Variants in EFL1 observed in about 807,000 individuals in gnomAD.
EFL1 encodes elongation factor-like GTPase 1.
A neutral mutation model predicts 126.7 loss-of-function variants in EFL1; 76 were observed. The observed-to-expected ratio is 0.60, with a 90% CI of 0.50 to 0.73. EFL1 has a LOEUF of 0.73. EFL1 is among the 30% of genes least tolerant of loss of function. EFL1 has a pLI of 0.00. For synonymous variants in EFL1, 410 were observed against 448.4 expected (o/e 0.91, Z 1.08); for missense variants, 1,128 against 1,343.2 (o/e 0.84, Z 2.50).
At chr15:82,244,746 G>T (rs1366350627) in intron 4 of EFL1, among the ~76,000 whole-genome samples, 1 of 152,104 alleles carries the variant, frequency 6.6e-6, no homozygotes, top group Non-Finnish European at 1.5e-5. Flanking sequence ...ATGGATAATT[G>T]TCTCACAGAA....
At chr15:82,225,295 T>G (rs749192476) in intron 11 of EFL1, 31 bp from the exon 12 acceptor site, 1 of 1,440,780 alleles carries the variant, frequency 6.9e-7, no homozygotes, top group African/African-American at 1.5e-5. Context: ...AATGTCACTA[T>G]TTTTCCCATT....
chr15:82,200,162 T>C (rs2074452177), intron 15 of EFL1, among the ~76,000 whole-genome samples: 1 of 152,216 alleles, frequency 6.6e-6, no homozygotes, highest in Non-Finnish European at 1.5e-5. Flanking sequence ...CCCAAGCTTA[T>C]GCATTACCTG....
chr15:82,240,417 C>T lies in EFL1; in HGVS notation c.516+1G>A. The stretch of plus-strand genomic sequence containing the variant: ...TTTTTAAATACTAAAAATTAAAATA[C>T]CTGTTCTAAAATATTCTTGAGGTGA... On this transcript the variant is annotated splice_donor_variant, in intron 6 of 19. Transcript: ENST00000268206. LOFTEE classifies it high-confidence loss of function. The T allele has an allele frequency of 6.4e-7, 1 of 1,574,370 alleles. No individual in the cohort carries two copies. The highest frequency in any genetic ancestry group is 8.6e-7 in the Non-Finnish European group (1 of 1,159,910).
rs550169391 is a variant in EFL1, at chr15:82,197,614, A to C, written c.1750+17103T>G. On this transcript the variant is annotated intron_variant, in intron 15 of 19. Transcript: ENST00000268206. ...ATAATGCTTTTTTCCAACTAGAAACAACCAAAGGTGTCATAACTCAATTTC... is the reference window on the plus strand; with the variant it reads ...ATAATGCTTTTTTCCAACTAGAAACCACCAAAGGTGTCATAACTCAATTTC... 4.9e-4 allele frequency among the ~76,000 whole-genome samples: 75 copies of C among 152,356 alleles called. 2 individuals carry two copies. The South Asian group carries it at 5.8e-3, about 12-fold the overall frequency.
intron 19 of EFL1, among the ~76,000 whole-genome samples, chr15:82,132,684 G>C (rs965602790): frequency 2.7e-4 from 30 of 112,054 alleles, no homozygotes; most frequent in African/African-American, 9.4e-4. Context: ...CAGGAATTGG[G>C]GGGGGGGGGG....
intron 18 of EFL1, among the ~76,000 whole-genome samples, chr15:82,144,771 G>A (rs2073824993): frequency 6.6e-6 from 1 of 152,056 alleles, no homozygotes; most frequent in Admixed American, 6.5e-5. Flanking sequence ...AAGGAGGGAG[G>A]ATCATGAGGT....
chr15:82,175,205 G>A (rs1337315970), intron 15 of EFL1, among the ~76,000 whole-genome samples: 2 of 152,122 alleles, frequency 1.3e-5, no homozygotes, highest in Non-Finnish European at 2.9e-5. Context: ...TGGGATTTTT[G>A]AGACTATTGC....
At chr15:82,187,029 C>G (rs2074311223) in intron 15 of EFL1, among the ~76,000 whole-genome samples, 1 of 152,160 alleles carries the variant, frequency 6.6e-6, no homozygotes, top group Non-Finnish European at 1.5e-5. Flanking sequence ...CATTACCATG[C>G]CCTTTGGATA....
At chr15:82,167,227 A>T (rs2074089017) in intron 15 of EFL1, among the ~76,000 whole-genome samples, 1 of 152,188 alleles carries the variant, frequency 6.6e-6, no homozygotes, top group Non-Finnish European at 1.5e-5. Flanking sequence ...AAACACCAGT[A>T]CTTTTGTCTG....
chr15:82,232,462 TA>T (rs1206270528), intron 7 of EFL1, among the ~76,000 whole-genome samples: 1 of 152,234 alleles, frequency 6.6e-6, no homozygotes, highest in African/African-American at 2.4e-5. Context: ...TCCTGTCTAC[TA>T]ACCTGTGAAA....
intron 11 of EFL1, among the ~76,000 whole-genome samples, chr15:82,226,191 T>G (rs919990489): frequency 1.3e-5 from 2 of 152,172 alleles, no homozygotes; most frequent in Non-Finnish European, 2.9e-5. Context: ...TTTTTTCAGA[T>G]GGAGTCTTGT....
intron 2 of EFL1, among the ~76,000 whole-genome samples, chr15:82,261,331 G>A (rs1364218343): frequency 2.6e-5 from 4 of 152,076 alleles, no homozygotes; most frequent in South Asian, 2.1e-4. Context: ...CTTAACAGAC[G>A]TTTGATAAAT....
intron 15 of EFL1, among the ~76,000 whole-genome samples, chr15:82,180,943 G>C (rs1036194633): frequency 6.6e-6 from 1 of 152,056 alleles, no homozygotes; most frequent in Non-Finnish European, 1.5e-5. Flanking sequence ...ATCCAGGCTG[G>C]TCTCGAACTT....
At chr15:82,234,482 G>A (rs1458614059) in intron 7 of EFL1, among the ~76,000 whole-genome samples, 2 of 151,964 alleles carry the variant, frequency 1.3e-5, no homozygotes, top group African/African-American at 4.8e-5. Context: ...AATTTATTTA[G>A]CTCTAGTATC....
intron 7 of EFL1, chr15:82,233,648 G>T (rs1031187185): frequency 1.3e-5 from 2 of 152,156 alleles, no homozygotes; most frequent in African/African-American, 4.8e-5. Context: ...CAAGAACTTA[G>T]ATTCTTGATG....
intron 4 of EFL1, among the ~76,000 whole-genome samples, 189 bp from the exon 5 acceptor site, chr15:82,241,592 T>C (rs1313295807): frequency 1.3e-5 from 2 of 152,216 alleles, no homozygotes; most frequent in African/African-American, 4.8e-5. Flanking sequence ...CCAAATAGCA[T>C]CTATATAAAA....
intron 15 of EFL1, among the ~76,000 whole-genome samples, chr15:82,207,716 G>A (rs1343131875): frequency 8.0e-6 from 1 of 125,416 alleles, no homozygotes; most frequent in African/African-American, 3.5e-5. Flanking sequence ...ATAATTGATT[G>A]ATTGATTTTT....
At chr15:82,217,061 C>A (rs1258489788) in intron 14 of EFL1, among the ~76,000 whole-genome samples, 4 of 151,756 alleles carry the variant, frequency 2.6e-5, no homozygotes, top group Non-Finnish European at 5.9e-5. Flanking sequence ...CAAGATTGAC[C>A]AATAAACACA....
intron 4 of EFL1, among the ~76,000 whole-genome samples, chr15:82,246,566 T>C (rs1424911627): frequency 8.1e-6 from 1 of 123,070 alleles, no homozygotes; most frequent in Non-Finnish European, 1.7e-5. Context: ...GATTTATGTA[T>C]TTTTTTAAGA....
Sources: allele counts gnomAD v4.1 joint callset (sites outside exome capture counted in the v4.1 genomes callset), GRCh38; gene constraint gnomAD v4.1.1; transcripts MANE v1.5; gene names NCBI Gene and HGNC (gene_info 2026-07-23, HGNC 2026-07-21).